Variants in SLC25A26 observed in about 807,000 individuals in gnomAD.
SLC25A26 encodes the protein mitochondrial S-adenosylmethionine carrier protein.
Under a neutral mutation model 37.8 loss-of-function variants are expected in SLC25A26, and 36 were observed. That is an observed-to-expected ratio of 0.95 (90% CI 0.73 to 1.26). SLC25A26 has a LOEUF of 1.26. Ranked by LOEUF, SLC25A26 falls within the 50% of genes most tolerant of loss-of-function variation. SLC25A26 has a pLI of 0.00. For missense variants in SLC25A26, 390 were observed against 331.1 expected (o/e 1.18, Z -1.38); for synonymous variants, 129 against 122.5 (o/e 1.05, Z -0.35).
chr3:66,321,713 G>T (rs1054827772), intron 5 of SLC25A26, among the ~76,000 whole-genome samples: 1 of 151,000 alleles, frequency 6.6e-6, no homozygotes, highest in Non-Finnish European at 1.5e-5. Context: ...TTCTTGGGGG[G>T]TTGTATCATG....
At chr3:66,162,033 G>T (rs2070366481) in intron 1 of SLC25A26, among the ~76,000 whole-genome samples, 1 of 152,180 alleles carries the variant, frequency 6.6e-6, no homozygotes, top group Non-Finnish European at 1.5e-5. Context: ...TTCAACAAGA[G>T]AAATTGATTT....
intron 1 of SLC25A26, among the ~76,000 whole-genome samples, chr3:66,161,871 A>G (rs550097480): frequency 6.6e-6 from 1 of 152,310 alleles, no homozygotes; most frequent in East Asian, 1.9e-4. Flanking sequence ...ACAGACCCAG[A>G]AAGGAGACAA....
At chr3:66,230,864 A>T (rs2071992176) in intron 1 of SLC25A26, among the ~76,000 whole-genome samples, 1 of 150,798 alleles carries the variant, frequency 6.6e-6, no homozygotes, top group South Asian at 2.1e-4. Flanking sequence ...ACCTAAGCAG[A>T]AGCACAGGAA....
At chr3:66,178,491 G>A (rs957207761) in intron 1 of SLC25A26, among the ~76,000 whole-genome samples, 1 of 152,128 alleles carries the variant, frequency 6.6e-6, no homozygotes, top group Non-Finnish European at 1.5e-5. Flanking sequence ...TCCAAGCTCA[G>A]TAGCAGTTTC....
At chr3:66,146,177 C>G (rs2070112166) in intron 1 of SLC25A26, among the ~76,000 whole-genome samples, 1 of 151,510 alleles carries the variant, frequency 6.6e-6, no homozygotes, top group African/African-American at 2.4e-5. Flanking sequence ...CTGTCTTTAC[C>G]AAAAATACAA....
chr3:66,277,085 T>A (rs778794948), intron 5 of SLC25A26, among the ~76,000 whole-genome samples: 1 of 152,110 alleles, frequency 6.6e-6, no homozygotes, highest in Admixed American at 6.6e-5. Flanking sequence ...TTGTATTTAT[T>A]TGGGTTCTAA....
intron 1 of SLC25A26, among the ~76,000 whole-genome samples, chr3:66,153,648 C>T (rs1359173687): frequency 6.6e-6 from 1 of 152,194 alleles, no homozygotes; most frequent in Non-Finnish European, 1.5e-5. Flanking sequence ...AATAGCATCA[C>T]GAAAGGCAAC....
At chr3:66,371,382 A>G in intron 9 of SLC25A26, 1 of 1,524,756 alleles carries the variant, frequency 6.6e-7, no homozygotes, top group Non-Finnish European at 8.9e-7. Flanking sequence ...TTTTAATCTC[A>G]GCTATTTGAT....
Position 66,317,455 on chromosome 3 carries a change from A to G in SLC25A26, c.454-28909A>G, listed in dbSNP as rs906328943. On this transcript the variant is annotated intron_variant, in intron 5 of 9. Transcript: ENST00000354883. ...TGGAGGTATCACCAGGGGAGGCTGC[A>G]GACCAGCAAAGATGGCAGCCTGCTC... is the stretch of plus-strand genomic sequence containing the variant. 5.3e-5 allele frequency among the ~76,000 whole-genome samples: 8 copies of G among 152,280 alleles called. No individual in the cohort carries two copies. The South Asian group carries it at 1.7e-3, about 32-fold the overall frequency.
rs1267881010 is a variant in SLC25A26, at chr3:66,234,456, CT to C, written c.34-2084del. Among the ~76,000 whole-genome samples, 6 of 152,124 alleles carry C rather than the reference CT, an allele frequency of 3.9e-5. No individual in the cohort carries two copies. In the East Asian group the frequency reaches 1.2e-3, roughly 29 times the overall value. ...TTCTCTACTGGCACATCTCTGTGCC[CT>C]TTTGGGTGACGTCTTCTTAGGTAAT... On this transcript the variant is annotated intron_variant, in intron 1 of 9. Transcript: ENST00000354883.
intron 5 of SLC25A26, among the ~76,000 whole-genome samples, chr3:66,315,032 A>G (rs2075494945): frequency 7.0e-6 from 1 of 143,026 alleles, no homozygotes. Flanking sequence ...TCTAGTTAGT[A>G]GTCTATTTTT....
chr3:66,245,261 A>AAC (rs1229510775), intron 3 of SLC25A26, among the ~76,000 whole-genome samples: 6 of 151,782 alleles, frequency 4.0e-5, no homozygotes, highest in Non-Finnish European at 7.4e-5. Flanking sequence ...AAAAAAAAAA[A>AAC]AAAAAACAAA....
chr3:66,211,532 C>T (rs2071283795), intron 1 of SLC25A26, among the ~76,000 whole-genome samples: 2 of 152,116 alleles, frequency 1.3e-5, no homozygotes, highest in South Asian at 4.1e-4. Context: ...GCTGCCTCCC[C>T]CGGTCTTTCC....
At chr3:66,232,790 T>A (rs2072094697) in intron 1 of SLC25A26, among the ~76,000 whole-genome samples, 1 of 152,212 alleles carries the variant, frequency 6.6e-6, no homozygotes, top group South Asian at 2.1e-4. Context: ...CTCGGGGCTG[T>A]TGGAAAGTTT....
chr3:66,308,090 G>A (rs1487089327), intron 5 of SLC25A26, among the ~76,000 whole-genome samples: 5 of 152,126 alleles, frequency 3.3e-5, no homozygotes, highest in African/African-American at 1.2e-4. Context: ...ATTACTTTGG[G>A]CAGTATGGGC....
chr3:66,151,188 G>A (rs28493255), intron 1 of SLC25A26, among the ~76,000 whole-genome samples: 74,361 of 151,914 alleles, frequency 0.49, 18,651 homozygotes, highest in African/African-American at 0.58. Flanking sequence ...GTTACATGTA[G>A]TTCCTGCCAT....
rs776771924 is a variant in SLC25A26 at position 66,369,465 on chromosome 3, A to G, written c.569-13A>G. ...ACAGGATCTCACTTGGGTGTTGGGT[A>G]TTATTTGTACAGGTGGATTTGCCGC... On this transcript the variant is annotated splice_polypyrimidine_tract_variant and intron_variant, in intron 7 of 9. Transcript: ENST00000354883. The G allele has an allele frequency of 1.9e-6, 3 of 1,597,522 alleles. No homozygotes were observed. Among genetic ancestry groups the G allele is most frequent in the Admixed American group, 1.7e-5 (1 of 57,624 alleles).
intron 5 of SLC25A26, among the ~76,000 whole-genome samples, chr3:66,329,993 C>A (rs1406396462): frequency 6.6e-6 from 1 of 152,120 alleles, no homozygotes; most frequent in African/African-American, 2.4e-5. Context: ...AGAGAACCTC[C>A]TATGTGCCAG....
intron 3 of SLC25A26, among the ~76,000 whole-genome samples, chr3:66,249,208 G>A (rs1323674807): frequency 1.2e-5 from 1 of 84,346 alleles, no homozygotes; most frequent in Middle Eastern, 4.5e-3. Flanking sequence ...TTTAACTGGA[G>A]TTAGAATGAG....
Sources: gnomAD v4.1 joint callset for allele counts (sites outside exome capture counted in the v4.1 genomes callset) on GRCh38, gnomAD v4.1.1 for gene constraint, MANE v1.5 for transcripts, NCBI Gene and HGNC (gene_info 2026-07-23, HGNC 2026-07-21) for gene names.